Variants in TTC17 observed in about 807,000 individuals in gnomAD.
TTC17 encodes tetratricopeptide repeat domain 17.
In TTC17, 58 loss-of-function variants were observed where a neutral mutation model predicts 143.8. The observed-to-expected ratio is 0.40, with a 90% CI of 0.33 to 0.50. The LOEUF (loss-of-function observed/expected upper bound fraction) is 0.50. Among genes scored for constraint, TTC17 ranks in the 20% least tolerant of loss-of-function variants. TTC17 has a pLI of 0.49. For missense variants in TTC17, 1,273 were observed against 1,392.5 expected (o/e 0.91, Z 1.37); for synonymous variants, 501 against 497.8 (o/e 1.01, Z -0.09).
At chr11:43,448,592 C>G (rs1332510115) in intron 19 of TTC17, 2 of 154,232 alleles carry the variant, frequency 1.3e-5, no homozygotes, top group African/African-American at 4.8e-5. Context: ...CCAGGATTTA[C>G]CACTAAGCCT....
At chr11:43,463,895 A>G (rs1489752445) in intron 21 of TTC17, among the ~76,000 whole-genome samples, 1 of 152,260 alleles carries the variant, frequency 6.6e-6, no homozygotes. Context: ...GACTAATTGC[A>G]TATGGCAATT....
At chr11:43,454,869 A>C (rs549386648) in intron 21 of TTC17, among the ~76,000 whole-genome samples, 1 of 152,140 alleles carries the variant, frequency 6.6e-6, no homozygotes, top group South Asian at 2.1e-4. Flanking sequence ...ACCACATAAT[A>C]CCAGACAAAA....
intron 16 of TTC17, among the ~76,000 whole-genome samples, chr11:43,426,386 C>T (rs2134664893): frequency 6.6e-6 from 1 of 152,288 alleles, no homozygotes; most frequent in African/African-American, 2.4e-5. Flanking sequence ...TACATAATAT[C>T]ATCATGTGCT....
chr11:43,389,138 C>CAA (rs543812399), intron 2 of TTC17, among the ~76,000 whole-genome samples: 2 of 109,082 alleles, frequency 1.8e-5, no homozygotes, highest in Admixed American at 8.5e-5. Flanking sequence ...GACACTGTCT[C>CAA]AAAAAAAAAA....
At chr11:43,492,653 C>T (rs776228965) in intron 23 of TTC17, among the ~76,000 whole-genome samples, 12 of 152,226 alleles carry the variant, frequency 7.9e-5, no homozygotes, top group Non-Finnish European at 1.8e-4. Flanking sequence ...TCCTCTTCAC[C>T]TCCCTGTTCC....
chr11:43,365,178 G>A (rs776196362), intron 1 of TTC17, among the ~76,000 whole-genome samples: 11 of 152,166 alleles, frequency 7.2e-5, no homozygotes, highest in East Asian at 1.9e-4. Context: ...ATAGCTCACC[G>A]TGACCTTGAA....
Position 43,443,456 on chromosome 11 carries a change from C to T in TTC17, c.2383C>T (p.Leu795=), listed in dbSNP as rs755259400. The T allele has an allele frequency of 5.6e-6, 9 of 1,613,912 alleles. No homozygotes were observed. The highest frequency in any genetic ancestry group is 7.6e-6 in the Non-Finnish European group (9 of 1,180,002). The change falls in exon 17 of 24, where the codon CTA becomes TTA. Residue 795 remains leucine, a synonymous_variant. Coordinates refer to ENST00000039989, the MANE Select transcript of TTC17 (RefSeq NM_018259.6). ...GCCTTTGGAAGGCTTTGGGGGTGCA[C>T]TAGAGATGAAAGGGCGGCGTCTAGA... ...AWPLEGFGGA[L]EMKGRRLDLQ... is the part of the protein sequence containing the mutation.
Position 43,414,776 on chromosome 11 carries a change from G to GT in TTC17, c.2251_2251+1insT (p.Gly751ValfsTer5). Reference sequence around the variant, plus strand: ...CAACATCACTTCTTCTGTTTGCAGTGGTAAGCAGCTTTCAAATGCTGACAA... The same window carrying GT: ...CAACATCACTTCTTCTGTTTGCAGTGTGTAAGCAGCTTTCAAATGCTGACAA... On this transcript the variant is annotated frameshift_variant and splice_region_variant. Transcript: ENST00000039989. LOFTEE classifies it high-confidence loss of function. The GT allele has an allele frequency of 6.2e-7, 1 of 1,610,402 alleles. No individual in the cohort carries two copies. The highest frequency in any genetic ancestry group is 8.5e-7 in the Non-Finnish European group (1 of 1,178,732).
intron 16 of TTC17, among the ~76,000 whole-genome samples, chr11:43,439,567 A>G (rs756541311): frequency 4.7e-5 from 7 of 149,748 alleles, no homozygotes; most frequent in Non-Finnish European, 8.9e-5. Flanking sequence ...TCCTGGGTTC[A>G]TGCCATTCTC....
At chr11:43,378,280 C>A (rs1319129425) in intron 1 of TTC17, among the ~76,000 whole-genome samples, 4 of 152,180 alleles carry the variant, frequency 2.6e-5, no homozygotes, top group African/African-American at 9.7e-5. Context: ...TTCTAAAAAT[C>A]TCATTTAAAA....
At chr11:43,398,645 T>C (rs1310037645) in intron 8 of TTC17, among the ~76,000 whole-genome samples, 1 of 152,192 alleles carries the variant, frequency 6.6e-6, no homozygotes, top group Non-Finnish European at 1.5e-5. Context: ...GTAATGGAAT[T>C]CTATTGTATT....
intron 2 of TTC17, among the ~76,000 whole-genome samples, chr11:43,386,783 A>C (rs888759002): frequency 6.6e-6 from 1 of 151,982 alleles, no homozygotes; most frequent in Non-Finnish European, 1.5e-5. Flanking sequence ...GTATGTATTT[A>C]TTTATTTATT....
intron 5 of TTC17, 51 bp from the exon 6 acceptor site, chr11:43,396,658 A>G: frequency 2.7e-6 from 3 of 1,115,680 alleles, no homozygotes; most frequent in South Asian, 3.4e-5. Flanking sequence ...TGAGTATTCT[A>G]AGTTAAACTG....
At chr11:43,364,047 C>CT (rs71308379) in intron 1 of TTC17, among the ~76,000 whole-genome samples, 7,346 of 94,482 alleles carry the variant, frequency 0.078, 1,254 homozygotes, top group Non-Finnish European at 0.096. Context: ...TACAGATCCT[C>CT]TTTTTTTTTT....
At chr11:43,462,918 A>ATTTTTTTTTTTTTTTTTTTT (rs1369564202) in intron 21 of TTC17, among the ~76,000 whole-genome samples, 2 of 95,318 alleles carry the variant, frequency 2.1e-5, no homozygotes, top group Non-Finnish European at 2.1e-5. Flanking sequence ...CAGTGACAAA[A>ATTTTTTTTTTTTTTTTTTTT]TTCTTTTTTT....
chr11:43,398,072 A>C lies in TTC17; in HGVS notation c.1017A>C (p.Leu339=), dbSNP rs533625749. The C allele has an allele frequency of 6.2e-7, 1 of 1,614,056 alleles. No individual in the cohort carries two copies. Among genetic ancestry groups the C allele is most frequent in the Non-Finnish European group, 8.5e-7 (1 of 1,179,988 alleles). Residue 339 remains leucine, a synonymous_variant, in exon 8 of 24, where the codon CTA becomes CTC. Transcript: ENST00000039989. Reference sequence around the variant, plus strand: ...CTATAAAGAGGAAGCATGCTGTCCTATGTCAGCAAAAACTGGAGCAGAAAT... The same window carrying C: ...CTATAAAGAGGAAGCATGCTGTCCTCTGTCAGCAAAAACTGGAGCAGAAAT... ...EQAIKRKHAV[L]CQQKLEQKLE... is the part of the protein sequence containing the mutation.
chr11:43,414,753 A>C lies in TTC17; in HGVS notation c.2228A>C (p.Asn743Thr). 6.2e-7 allele frequency: 1 copy of C among 1,613,280 alleles called. No homozygotes were observed. The highest frequency in any genetic ancestry group is 8.5e-7 in the Non-Finnish European group (1 of 1,179,602). The stretch of plus-strand genomic sequence containing the variant: ...ATGCAGTTTTATCCTTTTCTGTACA[A>C]CATCACTTCTTCTGTTTGCAGTGGT... ...RCMQFYPFLYNITSSVCSGTV... is the reference protein window; with the variant it reads ...RCMQFYPFLYTITSSVCSGTV... The change falls in exon 16 of 24, where the codon AAC (asparagine) becomes ACC (threonine). Residue 743 changes from asparagine (N) to threonine (T), a missense_variant. Asn to Thr is a moderately conservative substitution (Grantham distance 65). Transcript: ENST00000039989.
At chr11:43,422,672 G>T (rs904472416) in intron 16 of TTC17, among the ~76,000 whole-genome samples, 7 of 152,134 alleles carry the variant, frequency 4.6e-5, no homozygotes, top group African/African-American at 1.7e-4. Flanking sequence ...CATTATTATT[G>T]TACCAGCATG....
chr11:43,429,336 G>T (rs34128025), intron 16 of TTC17, among the ~76,000 whole-genome samples: 273 of 152,320 alleles, frequency 1.8e-3, no homozygotes, highest in Non-Finnish European at 3.4e-3. Context: ...TACCATGGAA[G>T]TGTTCCTCTT....
Sources: allele counts gnomAD v4.1 joint callset (sites outside exome capture counted in the v4.1 genomes callset), GRCh38; gene constraint gnomAD v4.1.1; transcripts MANE v1.5; gene names NCBI Gene and HGNC (gene_info 2026-07-23, HGNC 2026-07-21).